The following CEP76 variants were observed in gnomAD, a reference collection of about 807,000 sequenced individuals.
The protein encoded by CEP76 is centrosomal protein of 76 kDa.
CEP76 carries 55 observed loss-of-function variants against 83.3 expected under a neutral mutation model. The observed-to-expected ratio is 0.66, with a 90% CI of 0.53 to 0.83. The LOEUF is 0.83. CEP76 is among the 40% of genes least tolerant of loss of function. The probability of loss-of-function intolerance (pLI) is 0.00; values close to 1 mark genes in which losing one functional copy is unlikely to be tolerated. For synonymous variants in CEP76, 270 were observed against 274.5 expected (o/e 0.98, Z 0.16); for missense variants, 694 against 799.5 (o/e 0.87, Z 1.59).
At chr18:12,683,493 C>T (rs1033178413) in intron 8 of CEP76, among the ~76,000 whole-genome samples, 3 of 151,428 alleles carry the variant, frequency 2.0e-5, no homozygotes, top group Admixed American at 6.6e-5. Context: ...CATTAAAAAA[C>T]GGAAATCAGC....
At position 12,674,544 on chromosome 18, in the gene CEP76, T is replaced by A; in HGVS notation, c.1833A>T (p.Thr611=). 3 of 1,612,472 alleles carry A rather than the reference T, an allele frequency of 1.9e-6. No homozygotes were observed. Among genetic ancestry groups the A allele is most frequent in the South Asian group, 2.2e-5 (2 of 91,030 alleles). The change falls in exon 11 of 12, where the codon ACA becomes ACT. Residue 611 remains threonine, a synonymous_variant. Coordinates refer to ENST00000262127, the MANE Select transcript of CEP76 (RefSeq NM_024899.4). ...CGTAAATTACACCTTACCGAAGACA[T>A]GTGGCAAATGCACGTCTTGCATTTC... ...VYRNARRAFA[T]CLRSPFCEEI...
chr18:12,691,228 C>T (rs2039749736), intron 7 of CEP76, 131 bp downstream of exon 7: 3 of 574,354 alleles, frequency 5.2e-6, no homozygotes, highest in Non-Finnish European at 8.4e-6. Context: ...ATTACAAAAT[C>T]AGCATTTTAT....
At chr18:12,696,700 A>G (rs559616214) in intron 5 of CEP76, among the ~76,000 whole-genome samples, 5 of 152,276 alleles carry the variant, frequency 3.3e-5, no homozygotes, top group African/African-American at 1.2e-4. Flanking sequence ...CAAGGAGACT[A>G]TGATAAATAA....
intron 8 of CEP76, 132 bp downstream of exon 8, chr18:12,686,130 C>T: frequency 1.8e-6 from 1 of 567,404 alleles, no homozygotes; most frequent in Non-Finnish European, 2.9e-6. Flanking sequence ...GTTGAATCTA[C>T]AGATACAGAA....
At chr18:12,666,703 C>T (rs1454019840) in intron 12 of CEP76, among the ~76,000 whole-genome samples, 2 of 151,686 alleles carry the variant, frequency 1.3e-5, no homozygotes, top group African/African-American at 2.4e-5. Context: ...CCTGCCTTGG[C>T]CTCCTAAAGG....
chr18:12,662,768 C>A (rs1199582362), intron 12 of CEP76, among the ~76,000 whole-genome samples: 2 of 152,062 alleles, frequency 1.3e-5, no homozygotes, highest in Non-Finnish European at 2.9e-5. Context: ...TAGAGTGAGA[C>A]CTTGTCTCAA....
rs528156131 is a variant in CEP76, at chr18:12,697,462, A to C, written c.521-54T>G. On this transcript the variant is annotated intron_variant, in intron 4 of 11. Coordinates refer to ENST00000262127, the MANE Select transcript of CEP76 (RefSeq NM_024899.4). Reference sequence around the variant, plus strand: ...CCACACTACATATTCAGTTAGGCCAACATAAAAGAATACTTTTATTAAACA... The same window carrying C: ...CCACACTACATATTCAGTTAGGCCACCATAAAAGAATACTTTTATTAAACA... The C allele has an allele frequency of 1.3e-4, 155 of 1,151,794 alleles. No homozygotes were observed. The African/African-American group carries it at 2.2e-3, about 16-fold the overall frequency. 71.3% of individuals were successfully genotyped at this position (1,151,794 alleles called of 1,614,324 possible). A position where few individuals can be genotyped will look rare whatever the true frequency, so the allele number is the denominator to read the frequency against.
At chr18:12,689,685 A>T (rs1193257241) in intron 7 of CEP76, among the ~76,000 whole-genome samples, 3 of 152,068 alleles carry the variant, frequency 2.0e-5, no homozygotes, top group Non-Finnish European at 4.4e-5. Flanking sequence ...GCCTCACTCC[A>T]TCCTGAGTCC....
At chr18:12,697,006 C>T (rs1002796560) in intron 5 of CEP76, among the ~76,000 whole-genome samples, 2 of 152,128 alleles carry the variant, frequency 1.3e-5, no homozygotes, top group Admixed American at 1.3e-4. Flanking sequence ...AAACATTTCT[C>T]CTAAGACAAG....
chr18:12,677,142 T>C (rs2039164565), intron 10 of CEP76, among the ~76,000 whole-genome samples: 1 of 152,138 alleles, frequency 6.6e-6, no homozygotes, highest in Non-Finnish European at 1.5e-5. Context: ...AAAGGAAATC[T>C]ACATGCTATT....
At chr18:12,671,147 A>G (rs1216949479), downstream of CEP76, 1 of 150,330 alleles carries the variant, frequency 6.7e-6, no homozygotes, top group Admixed American at 6.6e-5. Flanking sequence ...GGGTCTCTCT[A>G]TGCTCCCAGG....
intron 11 of CEP76, among the ~76,000 whole-genome samples, 174 bp downstream of exon 11, chr18:12,674,362 G>A (rs1327379923): frequency 6.6e-6 from 1 of 151,478 alleles, no homozygotes; most frequent in African/African-American, 2.4e-5. Flanking sequence ...GGGTCACTTG[G>A]GCCCAGGAGG....
Position 12,701,023 on chromosome 18 carries a change from A to G in CEP76, c.154T>C (p.Leu52=). Residue 52 remains leucine (L), a synonymous_variant, in exon 2 of 12, where the codon TTG becomes CTG. Coordinates refer to ENST00000262127, the MANE Select transcript of CEP76 (RefSeq NM_024899.4). ...CCTCGACGTCTAAGGGCTTTGATCAAATCTTCTGTTGATAAATGCTGTTGA... is the reference window on the plus strand; with the variant it reads ...CCTCGACGTCTAAGGGCTTTGATCAGATCTTCTGTTGATAAATGCTGTTGA... ...PDQQHLSTED[L]IKALRRRGII... is the part of the protein sequence containing the mutation. The G allele has an allele frequency of 6.2e-7, 1 of 1,613,982 alleles. No homozygotes were observed. The highest frequency in any genetic ancestry group is 8.5e-7 in the Non-Finnish European group (1 of 1,179,922).
chr18:12,678,521 A>G, intron 9 of CEP76, 79 bp from the exon 10 acceptor site: 1 of 919,232 alleles, frequency 1.1e-6, no homozygotes. Flanking sequence ...TTATTCTAAC[A>G]CTTAAGGCCA....
chr18:12,678,687 G>A (rs550885147), intron 9 of CEP76, among the ~76,000 whole-genome samples: 1 of 152,204 alleles, frequency 6.6e-6, no homozygotes, highest in Non-Finnish European at 1.5e-5. Context: ...TAAGATCAAA[G>A]GCCGGATGCG....
chr18:12,699,764 C>A, intron 3 of CEP76, 66 bp downstream of exon 3: 3 of 894,162 alleles, frequency 3.4e-6, no homozygotes, highest in Non-Finnish European at 3.3e-6. Context: ...CTATCAAATA[C>A]GAAAGACTAC....
At chr18:12,673,819 T>C (rs542820071) in intron 11 of CEP76, among the ~76,000 whole-genome samples, 1 of 152,228 alleles carries the variant, frequency 6.6e-6, no homozygotes, top group Non-Finnish European at 1.5e-5. Flanking sequence ...AGGCAGAGGT[T>C]GCAGTGAGCC....
At chr18:12,695,008 C>T (rs1877221749) in intron 6 of CEP76, among the ~76,000 whole-genome samples, 1 of 152,170 alleles carries the variant, frequency 6.6e-6, no homozygotes, top group South Asian at 2.1e-4. Flanking sequence ...AGCCACCGGC[C>T]TATCCTGTAA....
intron 10 of CEP76, among the ~76,000 whole-genome samples, chr18:12,677,047 T>A (rs958760307): frequency 6.6e-6 from 1 of 152,212 alleles, no homozygotes; most frequent in African/African-American, 2.4e-5. Context: ...CTTAATGTCT[T>A]CTCTTGATGA....
Sources: allele counts gnomAD v4.1 joint callset (sites outside exome capture counted in the v4.1 genomes callset), GRCh38; gene constraint gnomAD v4.1.1; transcripts MANE v1.5; gene names NCBI Gene and HGNC (gene_info 2026-07-23, HGNC 2026-07-21).